Variants in HCRTR2 observed in about 807,000 individuals in gnomAD.
HCRTR2 encodes the protein hypocretin receptor 2.
A neutral mutation model predicts 49.0 loss-of-function variants in HCRTR2; 22 were observed. The observed-to-expected ratio is 0.45, with a 90% confidence interval of 0.32 to 0.64. The LOEUF is 0.64. Ranked by LOEUF, HCRTR2 falls within the 30% of genes least tolerant of loss-of-function variation. HCRTR2 has a pLI of 0.04. For missense variants in HCRTR2, 491 were observed against 559.4 expected, an observed-to-expected ratio of 0.88 and a Z score of 1.23; for synonymous variants, 236 against 205.3, an observed-to-expected ratio of 1.15 and a Z score of -1.28.
At chr6:55,240,014 T>A (rs1766293501) in intron 1 of HCRTR2, among the ~76,000 whole-genome samples, 1 of 151,380 alleles carries the variant, frequency 6.6e-6, no homozygotes, top group Non-Finnish European at 1.5e-5. Flanking sequence ...TGACCGCGGG[T>A]GATCCCCCCG....
At chr6:55,277,248 AG>A (rs1411946254) in intron 4 of HCRTR2, 131 bp from the exon 5 acceptor site, 10 of 732,002 alleles carry the variant, frequency 1.4e-5, no homozygotes, top group Non-Finnish European at 2.5e-5. Flanking sequence ...AATGCTCTGG[AG>A]AAACAGGCGC....
downstream of HCRTR2, chr6:55,282,641 A>G (rs1176267780): frequency 1.7e-6 from 1 of 595,542 alleles, no homozygotes; most frequent in Non-Finnish European, 3.0e-6. Context: ...TTTGATTTAA[A>G]TATGTTAGAA....
intron 1 of HCRTR2, among the ~76,000 whole-genome samples, chr6:55,162,625 G>A (rs1398347930): frequency 6.6e-6 from 1 of 152,148 alleles, no homozygotes; most frequent in African/African-American, 2.4e-5. Flanking sequence ...AAGCTGATAA[G>A]CAACTTCAGC....
intron 1 of HCRTR2, among the ~76,000 whole-genome samples, chr6:55,215,310 CA>C (rs1264209882): frequency 6.6e-6 from 1 of 151,940 alleles, no homozygotes; most frequent in African/African-American, 2.4e-5. Context: ...AGTCTGCCAA[CA>C]AAAAATCCTT....
At chr6:55,108,169 T>C (rs904886800) in intron 1 of HCRTR2, among the ~76,000 whole-genome samples, 1 of 152,272 alleles carries the variant, frequency 6.6e-6, no homozygotes, top group Middle Eastern at 3.4e-3. Context: ...AGTGGTTTTA[T>C]TCTGAAGGCA....
At chr6:55,144,443 C>G (rs920740023) in intron 1 of HCRTR2, among the ~76,000 whole-genome samples, 2 of 152,042 alleles carry the variant, frequency 1.3e-5, no homozygotes, top group African/African-American at 4.8e-5. Flanking sequence ...CTTCTGCAGA[C>G]TCATCTTCTA....
Position 55,255,191 on chromosome 6 carries a change from G to A in HCRTR2, c.458G>A (p.Trp153Ter), listed in dbSNP as rs1766627561. The change falls in exon 3 of 7, where the codon TGG (tryptophan) becomes TAG (stop). Residue 153 changes from tryptophan to a stop codon, truncating the protein, a stop_gained. Coordinates refer to ENST00000370862, the MANE Select transcript of HCRTR2 (RefSeq NM_001384272.1). LOFTEE classifies it high-confidence loss of function. Reference protein sequence around the residue: ...LTLSCIALDRWYAICHPLMFK... With the variant: ...LTLSCIALDR ...CTGAGCTGTATCGCCTTGGATCGGT[G>A]GTATGCAATCTGTCACCCTTTGATG... The A allele has an allele frequency of 6.2e-7, 1 of 1,613,812 alleles. No homozygotes were observed. The highest frequency in any genetic ancestry group is 1.3e-5 in the African/African-American group (1 of 74,880).
chr6:55,264,295 G>T (rs1766823001), intron 4 of HCRTR2, among the ~76,000 whole-genome samples: 1 of 151,970 alleles, frequency 6.6e-6, no homozygotes, highest in Admixed American at 6.6e-5. Context: ...TTATTTTTTA[G>T]AATATTATAA....
chr6:55,171,114 G>C (rs1368516279), upstream of HCRTR2, among the ~76,000 whole-genome samples: 1 of 152,016 alleles, frequency 6.6e-6, no homozygotes, highest in Non-Finnish European at 1.5e-5. Flanking sequence ...GGATGGCTGG[G>C]TCAAATGGTA....
chr6:55,127,476 A>G (rs1282956708), intron 1 of HCRTR2, among the ~76,000 whole-genome samples: 1 of 152,112 alleles, frequency 6.6e-6, no homozygotes, highest in Non-Finnish European at 1.5e-5. Flanking sequence ...TCTGCGTTGG[A>G]CTTGCTGGGA....
intron 1 of HCRTR2, among the ~76,000 whole-genome samples, chr6:55,212,674 A>G (rs576208957): frequency 2.8e-4 from 42 of 152,314 alleles, no homozygotes; most frequent in African/African-American, 9.4e-4. Flanking sequence ...AACATATAAA[A>G]GAATGGAGAA....
chr6:55,174,421 C>A (rs201539986), upstream of HCRTR2: 1 of 679,162 alleles, frequency 1.5e-6, no homozygotes, highest in South Asian at 1.6e-5. Context: ...AGAAGTTGCC[C>A]GGCAGAAGAC....
At chr6:55,109,850 G>A (rs556845404) in intron 1 of HCRTR2, among the ~76,000 whole-genome samples, 4 of 152,056 alleles carry the variant, frequency 2.6e-5, no homozygotes, top group South Asian at 2.1e-4. Context: ...CTAAACATTC[G>A]AATACAAGAA....
At chr6:55,218,375 G>GA (rs1329691149) in intron 1 of HCRTR2, among the ~76,000 whole-genome samples, 2 of 152,152 alleles carry the variant, frequency 1.3e-5, no homozygotes, top group South Asian at 2.1e-4. Flanking sequence ...ATGATATATA[G>GA]AAAACAATAA....
intron 1 of HCRTR2, among the ~76,000 whole-genome samples, chr6:55,121,446 C>T (rs1378983118): frequency 2.6e-5 from 4 of 152,098 alleles, no homozygotes; most frequent in Admixed American, 2.0e-4. Flanking sequence ...TTCCTCTTTT[C>T]TTAACTGAAT....
chr6:55,116,715 G>GAGAGAAAAAAAAAA lies in HCRTR2; in HGVS notation c.-378+10171_-378+10172insGAGAAAAAAAAAAA, dbSNP rs55778468. Among the ~76,000 whole-genome samples the GAGAGAAAAAAAAAA allele has an allele frequency of 2.3e-5, 2 of 88,520 alleles. 1 individual carries two copies. 58.1% of individuals were successfully genotyped at this position (88,520 alleles called of 152,430 possible). On this transcript the variant is annotated intron_variant, in intron 1 of 7. Transcript: ENST00000615358. ...CTGAACAGTACTGTAAAGAGAGAGA[G>GAGAGAAAAAAAAAA]AAAAAAAAAAAAACTCTTATTCCAG...
At chr6:55,193,744 T>A (rs1305031302) in intron 1 of HCRTR2, among the ~76,000 whole-genome samples, 3 of 152,018 alleles carry the variant, frequency 2.0e-5, no homozygotes, top group African/African-American at 4.8e-5. Context: ...TTAGTTGATT[T>A]AAAAAAAGGT....
At chr6:55,181,370 A>T (rs931997739) in intron 1 of HCRTR2, among the ~76,000 whole-genome samples, 3 of 152,194 alleles carry the variant, frequency 2.0e-5, no homozygotes, top group African/African-American at 4.8e-5. Flanking sequence ...TTAAATCGAT[A>T]TTTAAAATAA....
chr6:55,263,895 AT>A, intron 4 of HCRTR2, 73 bp downstream of exon 4: 1 of 953,770 alleles, frequency 1.0e-6, no homozygotes, highest in Non-Finnish European at 1.7e-6. Flanking sequence ...CCTTCCAAAT[AT>A]TTTGTCTGTG....
Sources: allele counts gnomAD v4.1 joint callset (sites outside exome capture counted in the v4.1 genomes callset), GRCh38; gene constraint gnomAD v4.1.1; transcripts MANE v1.5; gene names NCBI Gene and HGNC (gene_info 2026-07-23, HGNC 2026-07-21).